NCOA2: variants seen among roughly 807,000 people sequenced by gnomAD.
NCOA2 encodes the protein nuclear receptor coactivator 2.
In NCOA2, 21 loss-of-function variants were observed where a neutral mutation model predicts 145.1. The ratio of observed to expected loss-of-function variants is 0.14; its 90% CI spans 0.10 to 0.21. The LOEUF (loss-of-function observed/expected upper bound fraction) is 0.21. Ranked by LOEUF, NCOA2 falls within the 10% of genes least tolerant of loss-of-function variation. The pLI is 1.00. For missense variants in NCOA2, 1,472 were observed against 1,837.6 expected (o/e 0.80, Z 3.64); for synonymous variants, 619 against 637.5 (o/e 0.97, Z 0.44).
At chr8:70,301,670 A>AG (rs1827508995) in intron 1 of NCOA2, among the ~76,000 whole-genome samples, 1 of 150,728 alleles carries the variant, frequency 6.6e-6, no homozygotes, top group African/African-American at 2.4e-5. Context: ...AAAAAAAAAA[A>AG]AAAAAAAAAA....
At chr8:70,447,898 T>C in the NCOA2 span, among the ~76,000 whole-genome samples, 2 of 152,174 alleles carry the variant, frequency 1.3e-5, no homozygotes, top group African/African-American at 4.8e-5. Flanking sequence ...TTGCCCAGGC[T>C]GGTCTCAAAC....
chr8:70,292,309 T>C (rs566982323), intron 2 of NCOA2, among the ~76,000 whole-genome samples: 2 of 151,298 alleles, frequency 1.3e-5, no homozygotes, highest in Non-Finnish European at 3.0e-5. Flanking sequence ...CACGCCACCA[T>C]GCCCAGCTAA....
chr8:70,159,242 A>ATATTTTTTTTTTTTTT, intron 10 of NCOA2, among the ~76,000 whole-genome samples: 5 of 61,076 alleles, frequency 8.2e-5, no homozygotes, highest in African/African-American at 2.7e-4. Context: ...ATATATATAT[A>ATATTTTTTTTTTTTTT]TTTTTTTTTT....
At chr8:70,347,377 C>T (rs747855614) in intron 1 of NCOA2, among the ~76,000 whole-genome samples, 13 of 151,714 alleles carry the variant, frequency 8.6e-5, no homozygotes, top group Non-Finnish European at 1.9e-4. Context: ...TCCAGCTACT[C>T]GAGAAACTGA....
intron 1 of NCOA2, among the ~76,000 whole-genome samples, chr8:70,331,049 T>C (rs932470716): frequency 3.6e-4 from 55 of 152,268 alleles, no homozygotes; most frequent in Admixed American, 3.5e-3. Flanking sequence ...AGTTCTAACA[T>C]GGAGGAGGAA....
chr8:70,357,288 C>A (rs1268877757), intron 1 of NCOA2: 2 of 151,910 alleles, frequency 1.3e-5, no homozygotes, highest in Non-Finnish European at 2.9e-5. Flanking sequence ...GAATAATATA[C>A]CTAGCTGAAG....
intron 1 of NCOA2, among the ~76,000 whole-genome samples, chr8:70,381,236 G>A (rs893683125): frequency 2.6e-5 from 4 of 151,652 alleles, no homozygotes; most frequent in Non-Finnish European, 5.9e-5. Flanking sequence ...ATTTGTAAAG[G>A]GATATTTTGC....
intron 1 of NCOA2, among the ~76,000 whole-genome samples, chr8:70,303,456 G>A (rs143166375): frequency 6.6e-6 from 1 of 152,250 alleles, no homozygotes; most frequent in Non-Finnish European, 1.5e-5. Flanking sequence ...ACTTGATGTG[G>A]CAATCAGAAA....
chr8:70,354,697 G>C (rs767637389), intron 1 of NCOA2, among the ~76,000 whole-genome samples: 2 of 152,106 alleles, frequency 1.3e-5, no homozygotes, highest in Non-Finnish European at 1.5e-5. Context: ...GTATCTCTTA[G>C]ATGAACTAAT....
intron 2 of NCOA2, among the ~76,000 whole-genome samples, chr8:70,291,624 C>T (rs1826686136): frequency 6.6e-6 from 1 of 152,224 alleles, no homozygotes; most frequent in African/African-American, 2.4e-5. Flanking sequence ...ATTGCCTGGA[C>T]TGTGATTTGT....
intron 10 of NCOA2, among the ~76,000 whole-genome samples, chr8:70,157,878 TGGG>T (rs1665768669): frequency 1.3e-5 from 2 of 152,178 alleles, no homozygotes; most frequent in Admixed American, 6.5e-5. Context: ...GCCAACAGCA[TGGG>T]AAGGGAAGTT....
chr8:70,267,735 T>C (rs1824733029), intron 2 of NCOA2, among the ~76,000 whole-genome samples: 1 of 152,198 alleles, frequency 6.6e-6, no homozygotes, highest in Non-Finnish European at 1.5e-5. Context: ...AATATTTGAA[T>C]TACATATTAA....
In NCOA2 at chr8:70,124,725, T is replaced by C. The variant is rs1456125370; in HGVS notation, c.4057A>G (p.Ile1353Val). ...ANPAYQAPSD[I>V]NGWAQGNMGG... The stretch of plus-strand genomic sequence containing the variant: ...ATGTTCCCCTGCGCCCATCCATTTA[T>C]GTCGGAGGGGGCCTGATAGGCTGGG... Residue 1353 changes from isoleucine (I) to valine (V), a missense_variant, in exon 20 of 23, where the codon ATA becomes GTA. Ile to Val is a conservative substitution (Grantham distance 29, BLOSUM62 3). Transcript: ENST00000452400. 3 of 1,612,910 alleles carry C rather than the reference T, an allele frequency of 1.9e-6. No homozygotes were observed. Among genetic ancestry groups the C allele is most frequent in the Non-Finnish European group, 2.5e-6 (3 of 1,179,594 alleles).
chr8:70,273,557 C>G (rs1369936016), intron 2 of NCOA2: 1 of 744,428 alleles, frequency 1.3e-6, no homozygotes, highest in East Asian at 2.9e-5. Flanking sequence ...GTTTACAAAC[C>G]AAGCAACAGT....
chr8:70,365,852 A>C (rs1810642029), intron 1 of NCOA2, among the ~76,000 whole-genome samples: 1 of 152,230 alleles, frequency 6.6e-6, no homozygotes, highest in African/African-American at 2.4e-5. Context: ...ATAAATTTTA[A>C]AACGGAGAAA....
chr8:70,362,715 T>C (rs958466569), intron 1 of NCOA2, among the ~76,000 whole-genome samples: 2 of 152,172 alleles, frequency 1.3e-5, no homozygotes, highest in African/African-American at 4.8e-5. Context: ...GAATGCACAA[T>C]GGCATAGCTA....
intron 2 of NCOA2, among the ~76,000 whole-genome samples, chr8:70,278,556 T>C (rs1379767309): frequency 6.6e-6 from 1 of 152,156 alleles, no homozygotes; most frequent in Non-Finnish European, 1.5e-5. Context: ...TCATCCCCTC[T>C]GCCACTACCC....
At chr8:70,421,377 C>G in the NCOA2 span, among the ~76,000 whole-genome samples, 1 of 151,812 alleles carries the variant, frequency 6.6e-6, no homozygotes, top group East Asian at 1.9e-4. Context: ...ATAGCGAGAC[C>G]CCCATCTCTA....
chr8:70,448,165 T>C, the NCOA2 span, among the ~76,000 whole-genome samples: 1 of 152,212 alleles, frequency 6.6e-6, no homozygotes, highest in Non-Finnish European at 1.5e-5. Flanking sequence ...AATGCTAATT[T>C]TTTTTCCTTC....
Sources: allele counts gnomAD v4.1 joint callset (sites outside exome capture counted in the v4.1 genomes callset), GRCh38; gene constraint gnomAD v4.1.1; transcripts MANE v1.5; gene names NCBI Gene and HGNC (gene_info 2026-07-23, HGNC 2026-07-21).